The following ZNF506 variants were observed in gnomAD, a reference collection of about 807,000 sequenced individuals.
ZNF506 encodes zinc finger protein 506.
In ZNF506, 10 loss-of-function variants were observed where a neutral mutation model predicts 11.6. The ratio of observed to expected loss-of-function variants is 0.86; its 90% confidence interval spans 0.53 to 1.46. The LOEUF is 1.46. ZNF506 is among the 40% of genes most tolerant of loss of function. ZNF506 has a pLI of 0.00. For synonymous variants in ZNF506, 156 were observed against 173.3 expected, an observed-to-expected ratio of 0.90 and a Z score of 0.78; for missense variants, 425 against 521.2, an observed-to-expected ratio of 0.82 and a Z score of 1.80.
intron 1 of ZNF506, among the ~76,000 whole-genome samples, chr19:19,810,414 A>T (rs1256102001): frequency 6.6e-6 from 1 of 152,244 alleles, no homozygotes; most frequent in East Asian, 1.9e-4. Flanking sequence ...AGCAGGTACT[A>T]TGTGCTCAAG....
intron 1 of ZNF506, among the ~76,000 whole-genome samples, chr19:19,817,831 CTTTT>C (rs35321486): frequency 7.8e-6 from 1 of 127,594 alleles, no homozygotes; most frequent in Non-Finnish European, 1.7e-5. Flanking sequence ...TTTTAAGGTG[CTTTT>C]TTTTTTTTTT....
chr19:19,815,213 TC>T (rs2062920283), intron 1 of ZNF506, among the ~76,000 whole-genome samples: 1 of 152,132 alleles, frequency 6.6e-6, no homozygotes, highest in African/African-American at 2.4e-5. Flanking sequence ...TGAGCCGAGA[TC>T]GCGCCACTGC....
intron 1 of ZNF506, among the ~76,000 whole-genome samples, chr19:19,818,882 G>A (rs1208181288): frequency 6.6e-6 from 1 of 152,158 alleles, no homozygotes; most frequent in African/African-American, 2.4e-5. Context: ...TAGCTATTGG[G>A]GAGGCCGAGG....
At chr19:19,801,803 G>T (rs1459255584) in intron 3 of ZNF506, among the ~76,000 whole-genome samples, 1 of 148,662 alleles carries the variant, frequency 6.7e-6, no homozygotes, top group Non-Finnish European at 1.5e-5. Context: ...AAAAAAAAGA[G>T]AAACCTACTC....
chr19:19,815,620 C>T (rs2062924256), intron 1 of ZNF506, among the ~76,000 whole-genome samples: 1 of 152,192 alleles, frequency 6.6e-6, no homozygotes, highest in Non-Finnish European at 1.5e-5. Context: ...TGCTGAACAT[C>T]AAACAATTCT....
At chr19:19,802,763 CAG>C (rs939388214) in intron 3 of ZNF506, among the ~76,000 whole-genome samples, 13 of 152,166 alleles carry the variant, frequency 8.5e-5, no homozygotes, top group African/African-American at 2.6e-4. Context: ...AAATAGAAAA[CAG>C]AAAGTAAAAA....
At chr19:19,821,253 C>T (rs927892945) in intron 1 of ZNF506, among the ~76,000 whole-genome samples, 1 of 152,180 alleles carries the variant, frequency 6.6e-6, no homozygotes, top group Non-Finnish European at 1.5e-5. Flanking sequence ...AACCAAAGCT[C>T]TTCCCATTCA....
Position 19,806,101 on chromosome 19 carries a change from C to A in ZNF506, c.156G>T (p.Leu52=). 1 of 1,605,628 alleles carries A rather than the reference C, an allele frequency of 6.2e-7. No homozygotes were observed. The highest frequency in any genetic ancestry group is 8.5e-7 in the Non-Finnish European group (1 of 1,177,748). Residue 52 remains leucine, a synonymous_variant, in exon 3 of 4, where the codon CTG becomes CTT. Coordinates refer to ENST00000540806, the MANE Select transcript of ZNF506 (RefSeq NM_001099269.3). ...TTTTTCCTTGCTCCAGACAGGTGAT[C>A]AGGTTTGGTTTAGAGACAACAATAC... ...FLGIVVSKPN[L]ITCLEQGKKP...
rs186723986 is a variant in ZNF506 at position 19,810,127 on chromosome 19, A to G, written c.4-3059T>C. 1.2e-3 allele frequency among the ~76,000 whole-genome samples: 177 copies of G among 152,320 alleles called. 1 individual carries two copies. Among genetic ancestry groups the G allele is most frequent in the African/African-American group, 4.1e-3 (169 of 41,572 alleles). Reference sequence around the variant, plus strand: ...TTGCAGGTTTGAAAAGGGTCCATGAATGGGTGTTTTAAACAAGTTCCCTGT... The same window carrying G: ...TTGCAGGTTTGAAAAGGGTCCATGAGTGGGTGTTTTAAACAAGTTCCCTGT... On this transcript the variant is annotated intron_variant, in intron 1 of 3. Transcript: ENST00000540806.
chr19:19,793,607 T>G lies in ZNF506; in HGVS notation c.*945A>C, dbSNP rs763186164. On this transcript the variant is annotated 3_prime_UTR_variant, in exon 4 of 4. Coordinates refer to ENST00000540806, the MANE Select transcript of ZNF506 (RefSeq NM_001099269.3). ...GAATAAATATTCTTCTTTAAAGGCTTATATTTTCTGAAAGATTTTTTGACA... is the reference window on the plus strand; with the variant it reads ...GAATAAATATTCTTCTTTAAAGGCTGATATTTTCTGAAAGATTTTTTGACA... Among the ~76,000 whole-genome samples the G allele has an allele frequency of 3.9e-5, 6 of 152,228 alleles. No individual in the cohort carries two copies. Among genetic ancestry groups the G allele is most frequent in the Admixed American group, 6.5e-5 (1 of 15,282 alleles).
chr19:19,794,706 T>C lies in ZNF506; in HGVS notation c.1181A>G (p.Glu394Gly), dbSNP rs1399762683. The change falls in exon 4 of 4, where the codon GAG becomes GGG. Residue 394 changes from glutamate (E) to glycine (G), a missense_variant. Physicochemically the swap from Glu to Gly is moderately conservative, Grantham distance 98. Coordinates refer to ENST00000540806, the MANE Select transcript of ZNF506 (RefSeq NM_001099269.3). ...LTEHKIIHTGEKPYKCEECGK... is the reference protein window; with the variant it reads ...LTEHKIIHTGGKPYKCEECGK... ...ACATTCTTCACATTTGTACGGTTTC[T>C]CTCCAGTATGAATTATCTTATGTTC... is the stretch of plus-strand genomic sequence containing the variant. 1 of 1,613,918 alleles carries C rather than the reference T, an allele frequency of 6.2e-7. No individual in the cohort carries two copies. Among genetic ancestry groups the C allele is most frequent in the Non-Finnish European group, 8.5e-7 (1 of 1,180,014 alleles).
In ZNF506 at chr19:19,794,596, CCA is replaced by C. The variant is rs756260364; in HGVS notation, c.1289_1290del (p.Val430GlyfsTer34). The C allele has an allele frequency of 6.2e-7, 1 of 1,605,188 alleles. No individual in the cohort carries two copies. Among genetic ancestry groups the C allele is most frequent in the Admixed American group, 1.7e-5 (1 of 57,766 alleles). ...GGTTGAGGAACATTTAAAAGATTTTCCACATTCTTCACTATGCAGGGTTTCTG... is the reference window on the plus strand; with the variant it reads ...GGTTGAGGAACATTTAAAAGATTTTCCATTCTTCACTATGCAGGGTTTCTG... Reference protein sequence around the residue: ...IRQKPCIVKNVENLLNVPQPL... With the variant: ...IRQKPCIVKNXENLLNVPQPL... On this transcript the variant is annotated frameshift_variant, in exon 4 of 4. Coordinates refer to ENST00000540806, the MANE Select transcript of ZNF506 (RefSeq NM_001099269.3). LOFTEE classifies it low-confidence loss of function (END_TRUNC).
At chr19:19,804,865 T>C (rs1401730696) in intron 3 of ZNF506, among the ~76,000 whole-genome samples, 2 of 151,698 alleles carry the variant, frequency 1.3e-5, no homozygotes, top group African/African-American at 2.4e-5. Flanking sequence ...TTCTCACTCA[T>C]AGGTGGGAAT....
In ZNF506 at chr19:19,794,634, AT is replaced by A; in HGVS notation, c.1252del (p.Ile418PhefsTer9). ...TATGCAGGGTTTCTGTCTAATATGA[AT>A]TTTCTTATGTTTATTAAGGGCTGAG... ...WSSALNKHKKIHIRQKPCIVK... is the reference protein window; with the variant it reads ...WSSALNKHKKXHIRQKPCIVK... On this transcript the variant is annotated frameshift_variant, in exon 4 of 4. Transcript: ENST00000540806. LOFTEE classifies it low-confidence loss of function (END_TRUNC). 2 of 1,613,084 alleles carry A rather than the reference AT, an allele frequency of 1.2e-6. No homozygotes were observed. The highest frequency in any genetic ancestry group is 1.7e-6 in the Non-Finnish European group (2 of 1,179,768).
At chr19:19,821,049 G>A (rs897513295) in intron 1 of ZNF506, among the ~76,000 whole-genome samples, 1 of 152,060 alleles carries the variant, frequency 6.6e-6, no homozygotes, top group Admixed American at 6.5e-5. Context: ...ACAGACATTT[G>A]CCATCACACA....
At chr19:19,818,554 A>G (rs868252699) in intron 1 of ZNF506, among the ~76,000 whole-genome samples, 2 of 152,236 alleles carry the variant, frequency 1.3e-5, no homozygotes, top group African/African-American at 4.8e-5. Context: ...ATCTGAGAAA[A>G]TTCCTGAACT....
intron 1 of ZNF506, among the ~76,000 whole-genome samples, chr19:19,807,601 G>C (rs1041243415): frequency 6.6e-6 from 1 of 152,048 alleles, no homozygotes; most frequent in Non-Finnish European, 1.5e-5. Flanking sequence ...CCGCCTCCTG[G>C]GTACAAGCAA....
chr19:19,815,100 A>C (rs2062918945), intron 1 of ZNF506, among the ~76,000 whole-genome samples: 1 of 151,780 alleles, frequency 6.6e-6, no homozygotes, highest in African/African-American at 2.4e-5. Context: ...TACTAAAAAT[A>C]CAAAAAAAAA....
intron 1 of ZNF506, among the ~76,000 whole-genome samples, chr19:19,815,245 G>A (rs1341173824): frequency 1.3e-5 from 2 of 152,196 alleles, no homozygotes; most frequent in African/African-American, 2.4e-5. Context: ...GGGCAACACA[G>A]CGAGACTCCA....
Sources: gnomAD v4.1 joint callset for allele counts (sites outside exome capture counted in the v4.1 genomes callset) on GRCh38, gnomAD v4.1.1 for gene constraint, MANE v1.5 for transcripts, NCBI Gene and HGNC (gene_info 2026-07-23, HGNC 2026-07-21) for gene names.